Variants in XYLT1 observed in about 807,000 individuals in gnomAD.
XYLT1 encodes xylosyltransferase 1, also known as beta-D-xylosyltransferase 1.
Under a neutral mutation model 91.3 loss-of-function variants are expected in XYLT1, and 36 were observed. The ratio of observed to expected loss-of-function variants is 0.39; its 90% confidence interval spans 0.30 to 0.52. The LOEUF (loss-of-function observed/expected upper bound fraction) is 0.52. Among genes scored for constraint, XYLT1 ranks in the 20% least tolerant of loss-of-function variants. The pLI is 0.68. For missense variants in XYLT1, 1,242 were observed against 1,284.5 expected, an observed-to-expected ratio of 0.97 and a Z score of 0.51; for synonymous variants, 588 against 532.0, an observed-to-expected ratio of 1.11 and a Z score of -1.45.
At chr16:17,176,834 CTT>C (rs67345327) in intron 5 of XYLT1, among the ~76,000 whole-genome samples, 101 of 147,390 alleles carry the variant, frequency 6.9e-4, no homozygotes, top group African/African-American at 1.4e-3. Flanking sequence ...CAGTCCTCTA[CTT>C]TTTTTTTTTT....
At chr16:17,200,381 A>C in intron 4 of XYLT1, 101 bp downstream of exon 4, 1 of 1,457,348 alleles carries the variant, frequency 6.9e-7, no homozygotes, top group Non-Finnish European at 9.4e-7. Flanking sequence ...CCTTTTCTGA[A>C]AGCAGGCAGT....
chr16:17,400,183 C>T (rs939835236), intron 1 of XYLT1, among the ~76,000 whole-genome samples: 1 of 152,182 alleles, frequency 6.6e-6, no homozygotes, highest in Non-Finnish European at 1.5e-5. Context: ...GGAGACACAT[C>T]AAGCATTCAA....
chr16:17,183,222 G>T lies in XYLT1; in HGVS notation c.1289+14990C>A, dbSNP rs190995488. ...TGTCATCTTACTGGGATGCCATGGG[G>T]ACTAAAGCAGAAAGTGGGGGCAACT... On this transcript the variant is annotated intron_variant, in intron 5 of 11. Coordinates refer to ENST00000261381, the MANE Select transcript of XYLT1 (RefSeq NM_022166.4). Among the ~76,000 whole-genome samples the T allele has an allele frequency of 2.0e-3, 306 of 152,252 alleles. 1 individual carries two copies. Among genetic ancestry groups the T allele is most frequent in the African/African-American group, 7.1e-3 (297 of 41,546 alleles).
chr16:17,184,033 C>G (rs916755424), intron 5 of XYLT1, among the ~76,000 whole-genome samples: 2 of 152,028 alleles, frequency 1.3e-5, no homozygotes, highest in African/African-American at 4.8e-5. Flanking sequence ...AAGGAACAGG[C>G]AAGGGAAGAA....
At chr16:17,447,326 C>T (rs2036605500) in intron 1 of XYLT1, among the ~76,000 whole-genome samples, 1 of 152,192 alleles carries the variant, frequency 6.6e-6, no homozygotes, top group South Asian at 2.1e-4. Flanking sequence ...GCTCCCAGCC[C>T]ACGTGATACA....
intron 1 of XYLT1, among the ~76,000 whole-genome samples, chr16:17,372,700 A>G (rs562607136): frequency 6.6e-6 from 1 of 152,332 alleles, no homozygotes; most frequent in African/African-American, 2.4e-5. Context: ...GAACATGGAA[A>G]CTTGTATCAG....
Position 17,322,855 on chromosome 16 carries a change from G to C in XYLT1, c.402+35157C>G, listed in dbSNP as rs147258154. ...TAGACTATAGACTCCATGCAGACAG[G>C]AACTGTCTCTGCCTTGTGCAGTGCT... On this transcript the variant is annotated intron_variant, in intron 2 of 11. Transcript: ENST00000261381. Among the ~76,000 whole-genome samples, 16 of 152,328 alleles carry C rather than the reference G, an allele frequency of 1.1e-4. No individual in the cohort carries two copies. The East Asian group carries it at 3.1e-3, about 29-fold the overall frequency.
chr16:17,409,611 G>T (rs954161098), intron 1 of XYLT1, among the ~76,000 whole-genome samples: 1 of 145,862 alleles, frequency 6.9e-6, no homozygotes, highest in Admixed American at 7.1e-5. Context: ...GTGCAGTGAC[G>T]TGATCTCGGC....
rs935537846 is a variant in XYLT1 at position 17,105,818 on chromosome 16, CAAAT to C, written c.*2873_*2876del. 1.3e-5 allele frequency: 2 copies of C among 151,974 alleles called. No individual in the cohort carries two copies. The highest frequency in any genetic ancestry group is 2.9e-5 in the Non-Finnish European group (2 of 67,994). 9.4% of individuals were successfully genotyped at this position (151,974 alleles called of 1,614,324 possible). ...AGGCTGTCTGACCAATGGCCTCCAA[CAAAT>C]AAATAAATCATTCTCAGGCAGGTTA... On this transcript the variant is annotated 3_prime_UTR_variant, in exon 12 of 12. Transcript: ENST00000261381.
intron 7 of XYLT1, among the ~76,000 whole-genome samples, chr16:17,139,972 C>T (rs1318124166): frequency 2.0e-5 from 3 of 152,158 alleles, no homozygotes; most frequent in Non-Finnish European, 4.4e-5. Flanking sequence ...CACACATAAC[C>T]TATGTGGTCC....
intron 1 of XYLT1, among the ~76,000 whole-genome samples, chr16:17,441,594 G>A (rs2036532993): frequency 6.6e-6 from 1 of 152,006 alleles, no homozygotes; most frequent in South Asian, 2.1e-4. Flanking sequence ...AAGGGAATTG[G>A]GACTTTGGAC....
At position 17,127,777 on chromosome 16, in the gene XYLT1, A is replaced by G. The variant is rs758675308; in HGVS notation, c.2112T>C (p.Ala704=). The stretch of plus-strand genomic sequence containing the variant: ...CTAGTTTGCTCACAGCCAGATTGGT[A>G]GCATGATGCTTGATCAGAAAGCCCT... The part of the protein sequence containing the change: ...RFQGFLIKHH[A]TNLAVSKLET... The change falls in exon 10 of 12, where the codon GCT becomes GCC. Residue 704 remains alanine (A), a synonymous_variant. Transcript: ENST00000261381. The G allele has an allele frequency of 6.2e-7, 1 of 1,614,176 alleles. No homozygotes were observed. Among genetic ancestry groups the G allele is most frequent in the Admixed American group, 1.7e-5 (1 of 60,010 alleles).
At chr16:17,118,574 C>A (rs182037455) in intron 10 of XYLT1, among the ~76,000 whole-genome samples, 1 of 152,150 alleles carries the variant, frequency 6.6e-6, no homozygotes, top group Middle Eastern at 3.2e-3. Flanking sequence ...GGACTGTAAG[C>A]ATGAGAGTCA....
At chr16:17,139,144 AGAG>A (rs1377388796) in intron 7 of XYLT1, among the ~76,000 whole-genome samples, 1 of 152,118 alleles carries the variant, frequency 6.6e-6, no homozygotes, top group African/African-American at 2.4e-5. Flanking sequence ...AAGAAAAACT[AGAG>A]GAGAAACAAT....
intron 5 of XYLT1, among the ~76,000 whole-genome samples, chr16:17,172,998 C>CT (rs1342004818): frequency 6.6e-6 from 1 of 152,074 alleles, no homozygotes; most frequent in Non-Finnish European, 1.5e-5. Context: ...AGTCCTGCTC[C>CT]TTCTGCGCTC....
At chr16:17,324,064 G>C (rs914922133) in intron 2 of XYLT1, among the ~76,000 whole-genome samples, 1 of 152,162 alleles carries the variant, frequency 6.6e-6, no homozygotes, top group Admixed American at 6.5e-5. Context: ...CACACTCTGA[G>C]ACCCCAGCTC....
At chr16:17,305,548 T>TC (rs1294533973) in intron 2 of XYLT1, among the ~76,000 whole-genome samples, 2 of 151,744 alleles carry the variant, frequency 1.3e-5, no homozygotes, top group Non-Finnish European at 2.9e-5. Flanking sequence ...CCCGAGTAGC[T>TC]AGGATTACAG....
chr16:17,427,055 G>C (rs2036327668), intron 1 of XYLT1, among the ~76,000 whole-genome samples: 1 of 152,214 alleles, frequency 6.6e-6, no homozygotes, highest in South Asian at 2.1e-4. Flanking sequence ...CATCATGGTA[G>C]GCAGAGCCCA....
chr16:17,144,687 A>G (rs116785111), intron 6 of XYLT1, among the ~76,000 whole-genome samples: 2,176 of 152,348 alleles, frequency 0.014, 55 homozygotes, highest in African/African-American at 0.05. Flanking sequence ...TTTAATAAAG[A>G]TAACATCCAC....
Sources: allele counts gnomAD v4.1 joint callset (sites outside exome capture counted in the v4.1 genomes callset), GRCh38; gene constraint gnomAD v4.1.1; transcripts MANE v1.5; gene names NCBI Gene and HGNC (gene_info 2026-07-23, HGNC 2026-07-21).